The following DNAH3 variants were observed in gnomAD, a reference collection of about 807,000 sequenced individuals.
The protein encoded by DNAH3 is dynein axonemal heavy chain 3, also known as axonemal beta dynein heavy chain 3.
DNAH3 carries 332 observed loss-of-function variants against 432.5 expected under a neutral mutation model. The ratio of observed to expected loss-of-function variants is 0.77; its 90% CI spans 0.70 to 0.84. The LOEUF (loss-of-function observed/expected upper bound fraction) is 0.84, where lower values mean the gene tolerates loss of function less well. Ranked by LOEUF, DNAH3 falls within the 40% of genes least tolerant of loss-of-function variation. The pLI, the probability that DNAH3 is intolerant of heterozygous loss-of-function variation, is 0.00. For missense variants in DNAH3, 4,861 were observed against 5,114.0 expected (o/e 0.95, Z 1.51); for synonymous variants, 1,956 against 1,900.2 (o/e 1.03, Z -0.76).
chr16:21,150,041 CATGGA>C, intron 1 of DNAH3, among the ~76,000 whole-genome samples: 1 of 151,974 alleles, frequency 6.6e-6, no homozygotes, highest in Non-Finnish European at 1.5e-5. Context: ...GCCTGACCAA[CATGGA>C]TAAACCCTGT....
intron 43 of DNAH3, among the ~76,000 whole-genome samples, chr16:20,997,995 A>G (rs950593655): frequency 3.3e-5 from 5 of 152,140 alleles, no homozygotes; most frequent in Admixed American, 1.3e-4. Context: ...TGGGCAACAG[A>G]GTGAGACCCT....
chr16:21,072,960 A>G (rs1183551602), intron 21 of DNAH3, among the ~76,000 whole-genome samples: 2 of 152,018 alleles, frequency 1.3e-5, no homozygotes, highest in African/African-American at 4.8e-5. Flanking sequence ...CTGGGATTAT[A>G]GGTGTGAGGC....
At chr16:20,941,623 C>T (rs2083813521) in intron 58 of DNAH3, 80 bp from the exon 59 acceptor site, 1 of 1,523,946 alleles carries the variant, frequency 6.6e-7, no homozygotes, top group Admixed American at 1.9e-5. Context: ...AAGTACTGAG[C>T]ATCTGACTTT....
At chr16:20,999,917 C>T (rs2086934387) in intron 43 of DNAH3, among the ~76,000 whole-genome samples, 1 of 151,562 alleles carries the variant, frequency 6.6e-6, no homozygotes, top group African/African-American at 2.4e-5. Context: ...CAGCACAGCC[C>T]CCTTCTGAAA....
At chr16:21,086,150 G>A (rs771633619) in intron 19 of DNAH3, among the ~76,000 whole-genome samples, 3 of 152,136 alleles carry the variant, frequency 2.0e-5, no homozygotes, top group African/African-American at 7.2e-5. Context: ...CATACAGAGC[G>A]ACTCCTGGTA....
intron 54 of DNAH3, among the ~76,000 whole-genome samples, chr16:20,958,359 C>A (rs2084668645): frequency 6.6e-6 from 1 of 152,084 alleles, no homozygotes; most frequent in Non-Finnish European, 1.5e-5. Context: ...CAGGCGTGAG[C>A]CACCATGCCT....
chr16:20,980,375 T>TG (rs890319698), intron 49 of DNAH3, among the ~76,000 whole-genome samples: 69 of 145,692 alleles, frequency 4.7e-4, no homozygotes, highest in African/African-American at 1.4e-3. Context: ...TATATATATG[T>TG]GGGGGGGGAG....
intron 41 of DNAH3, among the ~76,000 whole-genome samples, chr16:21,014,263 G>C (rs538890947): frequency 1.3e-5 from 2 of 152,250 alleles, no homozygotes; most frequent in East Asian, 3.9e-4. Context: ...TATTCCACTT[G>C]ATTATTATTA....
intron 44 of DNAH3, among the ~76,000 whole-genome samples, chr16:20,993,441 G>C (rs191105145): frequency 9.2e-5 from 14 of 152,008 alleles, no homozygotes; most frequent in Admixed American, 8.5e-4. Context: ...CCTGAGAAAT[G>C]GCTTAAAAAA....
At position 20,959,166 on chromosome 16, in the gene DNAH3, G is replaced by A; in HGVS notation, c.10826+13C>T. On this transcript the variant is annotated intron_variant, in intron 54 of 61. Transcript: ENST00000261383. ...TGGGTCCCAGAGAAGGCAGTGGTGG[G>A]ACAGCATCTCACCTGAATCTGGCAT... The A allele has an allele frequency of 6.2e-7, 1 of 1,613,018 alleles. No individual in the cohort carries two copies. The highest frequency in any genetic ancestry group is 8.5e-7 in the Non-Finnish European group (1 of 1,179,080).
In DNAH3 at chr16:20,959,428, T is replaced by C. The variant is rs778822272; in HGVS notation, c.10601-24A>G. 2.5e-6 allele frequency: 4 copies of C among 1,603,880 alleles called. No homozygotes were observed. The Admixed American group carries it at 6.7e-5, about 27-fold the overall frequency. On this transcript the variant is annotated intron_variant, in intron 53 of 61. Coordinates refer to ENST00000261383, the Ensembl canonical transcript of DNAH3. ...GCCTGAGACCAGGAAGAAAGGAGGCTTTTGAAAGACGACAGGCCAGCTAAC... is the reference window on the plus strand; with the variant it reads ...GCCTGAGACCAGGAAGAAAGGAGGCCTTTGAAAGACGACAGGCCAGCTAAC...
chr16:21,060,599 A>G (rs1043238932), intron 25 of DNAH3, among the ~76,000 whole-genome samples: 1 of 134,172 alleles, frequency 7.5e-6, no homozygotes, highest in Non-Finnish European at 1.5e-5. Context: ...ATCTTGGCTC[A>G]CTGCAACCTC....
At chr16:21,122,055 G>A in exon 10 of DNAH3, 5 of 1,613,866 alleles carry the variant, frequency 3.1e-6, no homozygotes, top group Non-Finnish European at 4.2e-6. Context: ...CTGACTTCAA[G>A]TTTGATCATG....
At chr16:20,989,115 C>T (rs1390544298) in intron 44 of DNAH3, among the ~76,000 whole-genome samples, 1 of 152,214 alleles carries the variant, frequency 6.6e-6, no homozygotes, top group Non-Finnish European at 1.5e-5. Flanking sequence ...AGCGGGTTAC[C>T]ACTGCTGGCT....
At position 21,141,149 on chromosome 16, in the gene DNAH3, A is replaced by AT. The variant is rs58634654; in HGVS notation, c.521+150dup. 1,969 of 555,084 alleles carry AT rather than the reference A, an allele frequency of 3.5e-3. 1 individual carries two copies. Among genetic ancestry groups the AT allele is most frequent in the East Asian group, 6.7e-3 (182 of 27,108 alleles). The allele number at this position is 555,084 out of a possible 1,614,324, so 34.4% of individuals were successfully genotyped here. On this transcript the variant is annotated intron_variant, in intron 4 of 61. Coordinates refer to ENST00000261383, the Ensembl canonical transcript of DNAH3. The stretch of plus-strand genomic sequence containing the variant: ...GCAAGACTCCATCTCAAAAAAAAAA[A>AT]TTTTTTTTTTGATTAAAGTGATTCG...
At chr16:21,082,193 C>T (rs903373651) in intron 19 of DNAH3, among the ~76,000 whole-genome samples, 2 of 152,012 alleles carry the variant, frequency 1.3e-5, no homozygotes, top group Non-Finnish European at 2.9e-5. Context: ...AGCCGCCACA[C>T]CCAGCTAATT....
intron 6 of DNAH3, among the ~76,000 whole-genome samples, chr16:21,135,568 C>T (rs1259335378): frequency 6.6e-6 from 1 of 152,092 alleles, no homozygotes; most frequent in Admixed American, 6.6e-5. Flanking sequence ...TGGTGCGTGC[C>T]TGTAGTCCCA....
chr16:21,011,146 G>T (rs562132239), intron 41 of DNAH3, among the ~76,000 whole-genome samples: 1 of 152,128 alleles, frequency 6.6e-6, no homozygotes, highest in Admixed American at 6.5e-5. Context: ...AGCTGCAGAA[G>T]GAAAGGAAAG....
At chr16:21,152,280 C>T (rs879039790) in intron 1 of DNAH3, among the ~76,000 whole-genome samples, 1 of 152,198 alleles carries the variant, frequency 6.6e-6, no homozygotes, top group East Asian at 1.9e-4. Context: ...CATAACTTTC[C>T]TAAGTCGACT....
Sources: allele counts gnomAD v4.1 joint callset (sites outside exome capture counted in the v4.1 genomes callset), GRCh38; gene constraint gnomAD v4.1.1; transcripts MANE v1.5; gene names NCBI Gene and HGNC (gene_info 2026-07-23, HGNC 2026-07-21).